The following ARB2A variants were observed in gnomAD, a reference collection of about 807,000 sequenced individuals.
ARB2A encodes ARB2 cotranscriptional regulator A.
chr5:93,984,439 A>G, the ARB2A span, among the ~76,000 whole-genome samples: 3 of 152,222 alleles, frequency 2.0e-5, no homozygotes, highest in African/African-American at 4.8e-5. Flanking sequence ...AAATGTTGCA[A>G]GACTACAACT....
At chr5:93,716,804 C>G in the ARB2A span, among the ~76,000 whole-genome samples, 1 of 149,602 alleles carries the variant, frequency 6.7e-6, no homozygotes, top group Admixed American at 6.7e-5. Context: ...GCTGTTCATA[C>G]TCAGTACAAT....
chr5:93,914,368 G>A, the ARB2A span, among the ~76,000 whole-genome samples: 2 of 151,922 alleles, frequency 1.3e-5, no homozygotes, highest in African/African-American at 2.4e-5. Context: ...GTTTAACAAT[G>A]TTGAAAGTGT....
chr5:93,709,129 T>C, the ARB2A span, among the ~76,000 whole-genome samples: 6 of 143,894 alleles, frequency 4.2e-5, no homozygotes, highest in East Asian at 2.3e-4. Flanking sequence ...TCAATCACCA[T>C]GTTGTATACC....
At chr5:93,834,375 T>C in the ARB2A span, among the ~76,000 whole-genome samples, 4 of 152,214 alleles carry the variant, frequency 2.6e-5, no homozygotes, top group African/African-American at 9.6e-5. Context: ...TGATGTTATA[T>C]GAACTCGATT....
the ARB2A span, among the ~76,000 whole-genome samples, chr5:93,917,850 C>A: frequency 3.9e-5 from 6 of 152,218 alleles, no homozygotes; most frequent in Middle Eastern, 3.4e-3. Context: ...TGCACTCAAG[C>A]CTGAATAACA....
At chr5:93,790,515 T>C in the ARB2A span, among the ~76,000 whole-genome samples, 1 of 152,146 alleles carries the variant, frequency 6.6e-6, no homozygotes, top group Non-Finnish European at 1.5e-5. Context: ...GATCTGATGA[T>C]TGTGTGTATT....
chr5:93,978,394 A>G, the ARB2A span, among the ~76,000 whole-genome samples: 1 of 152,214 alleles, frequency 6.6e-6, no homozygotes, highest in African/African-American at 2.4e-5. Flanking sequence ...GACTGAATAA[A>G]GAAAATGTGG....
chr5:93,881,725 C>G, the ARB2A span: 1 of 1,352,324 alleles, frequency 7.4e-7, no homozygotes, highest in Non-Finnish European at 9.8e-7. Flanking sequence ...TAATTTAAAT[C>G]TTATAATCCA....
chr5:93,761,489 G>A, the ARB2A span, among the ~76,000 whole-genome samples: 1 of 152,308 alleles, frequency 6.6e-6, no homozygotes. Context: ...CAAACTGCAA[G>A]GCAGAAGCGA....
the ARB2A span, among the ~76,000 whole-genome samples, chr5:94,018,224 T>C: frequency 2.0e-5 from 3 of 152,264 alleles, no homozygotes; most frequent in Admixed American, 1.3e-4. Context: ...GCAGCAGCAG[T>C]CCCCTGATGA....
At chr5:94,070,185 A>G in the ARB2A span, among the ~76,000 whole-genome samples, 1 of 152,168 alleles carries the variant, frequency 6.6e-6, no homozygotes, top group Non-Finnish European at 1.5e-5. Context: ...TTGTAGCAAG[A>G]TGGATGGAAC....
the ARB2A span, among the ~76,000 whole-genome samples, chr5:93,807,288 C>T: frequency 6.6e-6 from 1 of 151,866 alleles, no homozygotes; most frequent in African/African-American, 2.4e-5. Flanking sequence ...TGCTCAATTT[C>T]CCACAGATTT....
the ARB2A span, among the ~76,000 whole-genome samples, chr5:93,949,220 A>C: frequency 3.9e-5 from 6 of 151,980 alleles, no homozygotes; most frequent in African/African-American, 1.4e-4. Context: ...ATTTTGATGC[A>C]GGCATACAAT....
the ARB2A span, among the ~76,000 whole-genome samples, chr5:93,989,789 TC>T: frequency 6.6e-6 from 1 of 152,160 alleles, no homozygotes; most frequent in Non-Finnish European, 1.5e-5. Context: ...CATCCATGTT[TC>T]AAAACCAAGA....
At chr5:93,740,656 G>C in the ARB2A span, 91 of 1,613,764 alleles carry the variant, frequency 5.6e-5, no homozygotes, top group Non-Finnish European at 7.3e-5. Context: ...TGTATAGTGG[G>C]GGATATCCAC....
At chr5:93,870,017 C>T in the ARB2A span, among the ~76,000 whole-genome samples, 1 of 152,240 alleles carries the variant, frequency 6.6e-6, no homozygotes, top group Non-Finnish European at 1.5e-5. Flanking sequence ...CAGGCACAGA[C>T]ATCTGGGCTC....
the ARB2A span, among the ~76,000 whole-genome samples, chr5:93,945,556 A>C: frequency 6.6e-6 from 1 of 152,190 alleles, no homozygotes; most frequent in Non-Finnish European, 1.5e-5. Flanking sequence ...TCCATTTCAA[A>C]ATATGATTGA....
At chr5:93,948,701 C>T in the ARB2A span, among the ~76,000 whole-genome samples, 1 of 152,080 alleles carries the variant, frequency 6.6e-6, no homozygotes, top group East Asian at 1.9e-4. Context: ...GTGTAAGGAA[C>T]GGGTCCAGTT....
chr5:93,832,644 C>T, the ARB2A span, among the ~76,000 whole-genome samples: 1 of 152,204 alleles, frequency 6.6e-6, no homozygotes, highest in South Asian at 2.1e-4. Flanking sequence ...TACCCCTGGT[C>T]GCTTGCCTAT....
Sources: allele counts gnomAD v4.1 joint callset (sites outside exome capture counted in the v4.1 genomes callset), GRCh38; gene constraint gnomAD v4.1.1; transcripts MANE v1.5; gene names NCBI Gene and HGNC (gene_info 2026-07-23, HGNC 2026-07-21).